AVEN: variants seen among roughly 807,000 people sequenced by gnomAD.
The protein encoded by AVEN is apoptosis and caspase activation inhibitor, also known as cell death regulator Aven.
AVEN carries 41 observed loss-of-function variants against 38.1 expected under a neutral mutation model. The ratio of observed to expected loss-of-function variants is 1.08; its 90% CI spans 0.84 to 1.40. The LOEUF (loss-of-function observed/expected upper bound fraction) is 1.40. AVEN is among the 40% of genes most tolerant of loss of function. The probability of loss-of-function intolerance (pLI) is 0.00; values close to 1 mark genes in which losing one functional copy is unlikely to be tolerated. For missense variants in AVEN, 605 were observed against 438.8 expected (o/e 1.38, Z -3.38); for synonymous variants, 206 against 171.8 (o/e 1.20, Z -1.56).
At chr15:34,034,623 G>A (rs1899031982) in intron 1 of AVEN, among the ~76,000 whole-genome samples, 1 of 151,932 alleles carries the variant, frequency 6.6e-6, no homozygotes, top group African/African-American at 2.4e-5. Flanking sequence ...AATTTTTTTA[G>A]GCAGAATACA....
intron 5 of AVEN, among the ~76,000 whole-genome samples, chr15:34,057,861 G>A (rs988163736): frequency 6.6e-6 from 1 of 152,142 alleles, no homozygotes; most frequent in Non-Finnish European, 1.5e-5. Flanking sequence ...GCTGACCAAT[G>A]CCAAATTGTG....
intron 2 of AVEN, among the ~76,000 whole-genome samples, chr15:33,956,107 C>T (rs570643130): frequency 3.3e-5 from 5 of 152,268 alleles, no homozygotes; most frequent in East Asian, 3.9e-4. Context: ...CGTCTGCCTC[C>T]GCGGTGACCA....
At chr15:33,942,642 G>A (rs1388229930) in intron 2 of AVEN, among the ~76,000 whole-genome samples, 3 of 151,964 alleles carry the variant, frequency 2.0e-5, no homozygotes, top group Admixed American at 6.6e-5. Flanking sequence ...TAGTAGAGAC[G>A]GGGTTTCACA....
intron 2 of AVEN, among the ~76,000 whole-genome samples, chr15:33,903,246 T>C (rs1417852774): frequency 6.6e-6 from 1 of 152,188 alleles, no homozygotes; most frequent in African/African-American, 2.4e-5. Context: ...AAACAGTTTA[T>C]AAAAGGACAG....
At chr15:33,886,354 G>A (rs1891701718) in intron 2 of AVEN, among the ~76,000 whole-genome samples, 2 of 152,180 alleles carry the variant, frequency 1.3e-5, no homozygotes, top group Non-Finnish European at 2.9e-5. Flanking sequence ...CCAGGCTGGA[G>A]TGTACTGGCA....
chr15:33,913,397 A>G (rs998697145), intron 2 of AVEN, among the ~76,000 whole-genome samples: 1 of 152,246 alleles, frequency 6.6e-6, no homozygotes, highest in Non-Finnish European at 1.5e-5. Context: ...AATGAGGAGG[A>G]TAATAGAGAC....
chr15:34,070,733 C>T (rs1490945512), intron 1 of AVEN, among the ~76,000 whole-genome samples: 1 of 152,148 alleles, frequency 6.6e-6, no homozygotes, highest in African/African-American at 2.4e-5. Flanking sequence ...ACAAGTTGAA[C>T]AACTCTGGAG....
At chr15:33,933,194 AT>A (rs1281050925) in intron 2 of AVEN, among the ~76,000 whole-genome samples, 1 of 152,140 alleles carries the variant, frequency 6.6e-6, no homozygotes, top group Non-Finnish European at 1.5e-5. Flanking sequence ...GGTTATTATT[AT>A]AGGTAGGTTA....
intron 2 of AVEN, among the ~76,000 whole-genome samples, chr15:33,933,880 A>ACTGG (rs1893966636): frequency 6.6e-6 from 1 of 152,036 alleles, no homozygotes. Flanking sequence ...AATTGCTTGA[A>ACTGG]CTGGGGAGGC....
chr15:33,885,926 G>C (rs768970629), intron 2 of AVEN, among the ~76,000 whole-genome samples: 3 of 152,142 alleles, frequency 2.0e-5, no homozygotes, highest in Non-Finnish European at 4.4e-5. Flanking sequence ...TTCAGAACAA[G>C]GCCAGCATCA....
chr15:33,851,782 C>G, the AVEN span: 3 of 152,078 alleles, frequency 2.0e-5, no homozygotes, highest in Admixed American at 6.5e-5. Context: ...AAGGAGGTAT[C>G]AGTGTGGCAG....
intron 3 of AVEN, among the ~76,000 whole-genome samples, chr15:33,873,665 G>A (rs983824725): frequency 4.0e-5 from 6 of 151,320 alleles, no homozygotes; most frequent in Admixed American, 3.3e-4. Flanking sequence ...GAGGAGTTAA[G>A]TCAGACAGGA....
At chr15:33,889,862 C>T (rs1191201198) in intron 2 of AVEN, among the ~76,000 whole-genome samples, 3 of 152,162 alleles carry the variant, frequency 2.0e-5, no homozygotes, top group Non-Finnish European at 4.4e-5. Context: ...TATAGAAAAT[C>T]GGGCATACCA....
chr15:33,927,367 T>C (rs772395352), intron 2 of AVEN, among the ~76,000 whole-genome samples: 11 of 152,122 alleles, frequency 7.2e-5, no homozygotes, highest in African/African-American at 1.2e-4. Flanking sequence ...CATTGAATCA[T>C]TGAAATGAAT....
At chr15:33,879,678 T>C (rs1461845380) in intron 2 of AVEN, among the ~76,000 whole-genome samples, 3 of 152,196 alleles carry the variant, frequency 2.0e-5, no homozygotes, top group African/African-American at 4.8e-5. Flanking sequence ...TAAGACTTTT[T>C]CAGACATGTG....
intron 1 of AVEN, among the ~76,000 whole-genome samples, chr15:34,027,538 A>AAAAAG (rs1421053197): frequency 1.3e-5 from 2 of 151,478 alleles, no homozygotes; most frequent in Admixed American, 1.3e-4. Context: ...CAAAAAAAAA[A>AAAAAG]AAAGAAAGAA....
intron 1 of AVEN, among the ~76,000 whole-genome samples, chr15:34,014,356 C>T (rs1396219439): frequency 9.2e-6 from 1 of 108,450 alleles, no homozygotes; most frequent in African/African-American, 3.6e-5. Flanking sequence ...AAGAGCGAAA[C>T]TCCATCTCAT....
chr15:34,029,852 T>C (rs1898687983), intron 1 of AVEN, among the ~76,000 whole-genome samples: 1 of 152,212 alleles, frequency 6.6e-6, no homozygotes, highest in Admixed American at 6.5e-5. Context: ...AGACACTCTA[T>C]TTTATTATCA....
At chr15:34,047,978 A>G (rs1899773719) in intron 5 of AVEN, among the ~76,000 whole-genome samples, 1 of 152,062 alleles carries the variant, frequency 6.6e-6, no homozygotes, top group Admixed American at 6.5e-5. Context: ...GGACCAAGTG[A>G]GTGGAGTAGC....
Sources: allele counts gnomAD v4.1 joint callset (sites outside exome capture counted in the v4.1 genomes callset), GRCh38; gene constraint gnomAD v4.1.1; transcripts MANE v1.5; gene names NCBI Gene and HGNC (gene_info 2026-07-23, HGNC 2026-07-21).